Variants in ZNG1A observed in about 807,000 individuals in gnomAD.
ZNG1A encodes the protein zinc-regulated GTPase metalloprotein activator 1A.
the ZNG1A span, among the ~76,000 whole-genome samples, chr9:152,394 A>T: frequency 5.6e-4 from 85 of 152,308 alleles, no homozygotes; most frequent in Non-Finnish European, 1.1e-3. Context: ...ATTCATAAAT[A>T]GTCAGTTATC....
chr9:127,213 T>C, the ZNG1A span, among the ~76,000 whole-genome samples: 4 of 152,122 alleles, frequency 2.6e-5, no homozygotes, highest in African/African-American at 9.7e-5. Flanking sequence ...CAAGGTATAG[T>C]TTAAATCCAC....
chr9:127,699 AG>A, the ZNG1A span, among the ~76,000 whole-genome samples: 1 of 152,078 alleles, frequency 6.6e-6, no homozygotes, highest in African/African-American at 2.4e-5. Flanking sequence ...TTGAGATGTG[AG>A]GTACCACTCT....
At chr9:160,021 C>A in the ZNG1A span, 1 of 453,956 alleles carries the variant, frequency 2.2e-6, no homozygotes, top group Non-Finnish European at 4.4e-6. Context: ...TAACTTCATT[C>A]ATTGCTTCTA....
chr9:142,804 A>T, the ZNG1A span, among the ~76,000 whole-genome samples: 1 of 135,930 alleles, frequency 7.4e-6, no homozygotes, highest in African/African-American at 3.0e-5. Flanking sequence ...TAGCAAGACT[A>T]ATAAAGAAAA....
chr9:177,822 T>C, the ZNG1A span: 1 of 1,319,002 alleles, frequency 7.6e-7, no homozygotes, highest in Non-Finnish European at 1.0e-6. Context: ...TCTGAATAAC[T>C]GTGGGGAAAC....
At chr9:146,376 T>C in the ZNG1A span, 1 of 411,648 alleles carries the variant, frequency 2.4e-6, no homozygotes, top group Non-Finnish European at 4.2e-6. Flanking sequence ...ATCTTTTCAA[T>C]CCTGAAATTT....
the ZNG1A span, among the ~76,000 whole-genome samples, chr9:140,321 C>T: frequency 2.5e-3 from 383 of 151,266 alleles, 3 homozygotes; most frequent in African/African-American, 8.8e-3. Context: ...GATCTGAGAA[C>T]GGGCAGACTG....
the ZNG1A span, among the ~76,000 whole-genome samples, chr9:123,949 A>G: frequency 6.6e-6 from 1 of 152,192 alleles, no homozygotes; most frequent in Non-Finnish European, 1.5e-5. Context: ...GCCAGGAATA[A>G]AACTCAAAAC....
At chr9:152,596 C>T in the ZNG1A span, among the ~76,000 whole-genome samples, 2 of 151,624 alleles carry the variant, frequency 1.3e-5, no homozygotes, top group African/African-American at 2.4e-5. Flanking sequence ...TATAGAATAA[C>T]CTCGTCAGTT....
chr9:173,828 A>G, the ZNG1A span, among the ~76,000 whole-genome samples: 26 of 152,094 alleles, frequency 1.7e-4, no homozygotes, highest in African/African-American at 6.0e-4. Flanking sequence ...AATATTCCCA[A>G]TGAGTAAAAA....
the ZNG1A span, chr9:150,134 T>G: frequency 9.4e-5 from 12 of 127,092 alleles, no homozygotes; most frequent in African/African-American, 3.0e-4. Flanking sequence ...TTTTTTTTTT[T>G]TTTTTTTTTT....
chr9:169,391 G>A, the ZNG1A span, among the ~76,000 whole-genome samples: 4 of 146,976 alleles, frequency 2.7e-5, no homozygotes, highest in Admixed American at 6.8e-5. Context: ...GGAAAAGAAC[G>A]TGGTTTCTTG....
the ZNG1A span, among the ~76,000 whole-genome samples, chr9:143,192 G>A: frequency 1.3e-5 from 2 of 148,944 alleles, no homozygotes; most frequent in Non-Finnish European, 3.0e-5. Context: ...TAACTCATTT[G>A]ATGAGGCCAG....
the ZNG1A span, chr9:175,812 A>C: frequency 1.6e-6 from 1 of 609,764 alleles, no homozygotes; most frequent in South Asian, 2.2e-5. Context: ...TGTAAATAAA[A>C]AAATTCAAAA....
the ZNG1A span, among the ~76,000 whole-genome samples, chr9:140,612 C>T: frequency 6.8e-5 from 10 of 146,686 alleles, no homozygotes. Context: ...AGCGCCTCTC[C>T]TCCTCCAAAG....
At chr9:163,691 C>T in the ZNG1A span, among the ~76,000 whole-genome samples, 30 of 151,700 alleles carry the variant, frequency 2.0e-4, no homozygotes, top group South Asian at 8.3e-4. Context: ...CCGAGGCTGG[C>T]GGATCACCTG....
At chr9:127,891 G>C in the ZNG1A span, among the ~76,000 whole-genome samples, 1,648 of 152,298 alleles carry the variant, frequency 0.011, 1 homozygote, top group African/African-American at 0.037. Context: ...CTGGTGGCTT[G>C]GTAGTGGTGA....
At chr9:146,093 A>G in the ZNG1A span, 1 of 1,539,168 alleles carries the variant, frequency 6.5e-7, no homozygotes. Flanking sequence ...CAAATTATAC[A>G]AAACATACCT....
the ZNG1A span, chr9:154,255 G>C: frequency 5.7e-6 from 1 of 176,838 alleles, no homozygotes; most frequent in East Asian, 1.4e-4. Context: ...ATAGGAAGGG[G>C]GGAGAGACAG....
Sources: gnomAD v4.1 joint callset for allele counts (sites outside exome capture counted in the v4.1 genomes callset) on GRCh38, gnomAD v4.1.1 for gene constraint, MANE v1.5 for transcripts, NCBI Gene and HGNC (gene_info 2026-07-23, HGNC 2026-07-21) for gene names.